The following ABLIM2 variants were observed in gnomAD, a reference collection of about 807,000 sequenced individuals.
ABLIM2 encodes the protein actin-binding LIM protein 2.
Under a neutral mutation model 97.7 loss-of-function variants are expected in ABLIM2, and 53 were observed. The observed-to-expected ratio is 0.54, with a 90% CI of 0.44 to 0.68. The LOEUF (loss-of-function observed/expected upper bound fraction) is 0.68, where lower values mean the gene tolerates loss of function less well. ABLIM2 is among the 30% of genes least tolerant of loss of function. ABLIM2 has a pLI of 0.00. For missense variants in ABLIM2, 835 were observed against 867.2 expected, an observed-to-expected ratio of 0.96 and a Z score of 0.47; for synonymous variants, 361 against 345.8, an observed-to-expected ratio of 1.04 and a Z score of -0.49.
Position 8,082,527 on chromosome 4 carries a change from T to C in ABLIM2, c.455-1725A>G, listed in dbSNP as rs977897751. On this transcript the variant is annotated intron_variant, in intron 4 of 20. Transcript: ENST00000447017. This position sits in a 1 kb window ranked among gnomAD's most constrained non-coding sequence, Gnocchi z 5.6. ...TCATTAGTTTCTTTTGGCAGAGACC[T>C]GAGTCATATTGTTTTTAACAATTAA... Among the ~76,000 whole-genome samples, 3 of 152,252 alleles carry C rather than the reference T, an allele frequency of 2.0e-5. No homozygotes were observed. Among genetic ancestry groups the C allele is most frequent in the Non-Finnish European group, 4.4e-5 (3 of 68,048 alleles).
rs1156249181 is a variant in ABLIM2, at chr4:8,015,891, T to A, written c.1423+3727A>T. 6.6e-6 allele frequency among the ~76,000 whole-genome samples: 1 copy of A among 152,188 alleles called. No individual in the cohort carries two copies. Among genetic ancestry groups the A allele is most frequent in the Non-Finnish European group, 1.5e-5 (1 of 68,030 alleles). ...TTATTTATTTTTATTTTTGAGTTTT[T>A]CATCTTTTATGCATATTTTCCTAAA... On this transcript the variant is annotated intron_variant, in intron 14 of 20. Transcript: ENST00000447017. This position sits in a 1 kb window ranked among gnomAD's most constrained non-coding sequence, Gnocchi z 4.6.
rs374256037 is a variant in ABLIM2 at position 8,083,147 on chromosome 4, C to G, written c.455-2345G>C. The stretch of plus-strand genomic sequence containing the variant: ...TGGAGCTGAGATCCCCGGCTCCAAG[C>G]CTCTGTTGGCTTCTCTGCATGTCAA... On this transcript the variant is annotated intron_variant, in intron 4 of 20. Coordinates refer to ENST00000447017, the MANE Select transcript of ABLIM2 (RefSeq NM_001130083.2). This position sits in a 1 kb window ranked among gnomAD's most constrained non-coding sequence, Gnocchi z 4.6. Among the ~76,000 whole-genome samples, 124 of 152,306 alleles carry G rather than the reference C, an allele frequency of 8.1e-4. No homozygotes were observed. The highest frequency in any genetic ancestry group is 2.9e-3 in the African/African-American group (120 of 41,556).
At chr4:8,007,925 G>T in intron 16 of ABLIM2, 134 bp downstream of exon 16, 1 of 1,487,654 alleles carries the variant, frequency 6.7e-7, no homozygotes. Context: ...TCGGTCCTTA[G>T]ATTTGTGGGC....
In ABLIM2 at chr4:8,061,424, G is replaced by T. The variant is rs1803014351; in HGVS notation, c.676-370C>A. ...GAGGGACAGGAGGAGGAAGAAAAGG[G>T]GAGAGGGAGGGGAGGGAAAGATAAT... On this transcript the variant is annotated intron_variant, in intron 6 of 20. Coordinates refer to ENST00000447017, the MANE Select transcript of ABLIM2 (RefSeq NM_001130083.2). This position sits in a 1 kb window ranked among gnomAD's most constrained non-coding sequence, Gnocchi z 4.5. Among the ~76,000 whole-genome samples the T allele has an allele frequency of 6.6e-6, 1 of 152,162 alleles. No individual in the cohort carries two copies. Among genetic ancestry groups the T allele is most frequent in the Non-Finnish European group, 1.5e-5 (1 of 68,036 alleles).
At position 8,083,989 on chromosome 4, in the gene ABLIM2, C is replaced by G. The variant is rs1194027456; in HGVS notation, c.455-3187G>C. ...AGCTGGAGCTCAGGGGGTGCAGGTG[C>G]AGGAGCCAGACCCCCTCTGCAGCAC... is the stretch of plus-strand genomic sequence containing the variant. On this transcript the variant is annotated intron_variant, in intron 4 of 20. Coordinates refer to ENST00000447017, the MANE Select transcript of ABLIM2 (RefSeq NM_001130083.2). The surrounding 1 kb of genome is among the most constrained non-coding windows in gnomAD (Gnocchi z 4.6). 6.6e-6 allele frequency among the ~76,000 whole-genome samples: 1 copy of G among 151,988 alleles called. No homozygotes were observed. Among genetic ancestry groups the G allele is most frequent in the East Asian group, 1.9e-4 (1 of 5,180 alleles).
At chr4:7,983,167 TG>T in intron 20 of ABLIM2, 96 bp downstream of exon 20, 1 of 1,294,100 alleles carries the variant, frequency 7.7e-7, no homozygotes, top group Non-Finnish European at 1.1e-6. Flanking sequence ...TCCCCCACGG[TG>T]GCCCCTTGGG....
At chr4:8,098,444 G>A (rs12500841) in intron 2 of ABLIM2, among the ~76,000 whole-genome samples, 38,428 of 152,184 alleles carry the variant, frequency 0.25, 5,374 homozygotes, top group South Asian at 0.45. Flanking sequence ...CATCCAGTGG[G>A]ATATCGAGGC....
At chr4:8,062,315 G>C (rs1465322613) in intron 6 of ABLIM2, among the ~76,000 whole-genome samples, 1 of 152,234 alleles carries the variant, frequency 6.6e-6, no homozygotes, top group African/African-American at 2.4e-5. Context: ...ACGTCAGGGA[G>C]TACCAGGTGC....
chr4:7,983,240 C>T (rs1346740184), intron 20 of ABLIM2, 24 bp downstream of exon 20: 6 of 1,597,484 alleles, frequency 3.8e-6, no homozygotes, highest in Non-Finnish European at 4.3e-6. Context: ...AATGAGTCCC[C>T]TGCCCCGGCA....
rs1832123020 is a variant in ABLIM2 at position 8,097,270 on chromosome 4, T to C, written c.167A>G (p.Asp56Gly). Residue 56 changes from aspartate (D) to glycine (G), a missense_variant, in exon 3 of 21, where the codon GAC (aspartate) becomes GGC (glycine). Transcript: ENST00000447017. ...CACGAAGAAGCCGCCCTCGGCCAGG[T>C]CGCAGCCACATGCTGGGGGAGGACG... Reference protein sequence around the residue: ...KCFVCKACGCDLAEGGFFVRQ... With the variant: ...KCFVCKACGCGLAEGGFFVRQ... The C allele has an allele frequency of 6.4e-7, 1 of 1,562,312 alleles. No homozygotes were observed. Among genetic ancestry groups the C allele is most frequent in the African/African-American group, 1.4e-5 (1 of 73,438 alleles).
At chr4:8,062,744 TG>T (rs943277905) in intron 6 of ABLIM2, among the ~76,000 whole-genome samples, 4 of 152,162 alleles carry the variant, frequency 2.6e-5, no homozygotes, top group African/African-American at 9.7e-5. Context: ...CGGCCTGGTC[TG>T]AGTAGCACTC....
intron 3 of ABLIM2, among the ~76,000 whole-genome samples, chr4:8,089,429 G>A (rs567151605): frequency 8.0e-4 from 122 of 152,234 alleles, no homozygotes; most frequent in Non-Finnish European, 1.1e-3. Flanking sequence ...GTCAGACCAC[G>A]GGTGCCCCTT....
chr4:8,009,229 G>T, intron 14 of ABLIM2, 127 bp from the exon 15 acceptor site: 2 of 1,172,914 alleles, frequency 1.7e-6, no homozygotes, highest in East Asian at 2.4e-5. Flanking sequence ...AGTAGTACGA[G>T]TGCCTTTCAA....
At chr4:7,979,873 G>A (rs1484435323) in intron 20 of ABLIM2, among the ~76,000 whole-genome samples, 1 of 152,234 alleles carries the variant, frequency 6.6e-6, no homozygotes, top group Non-Finnish European at 1.5e-5. Flanking sequence ...CAAGGGCAGA[G>A]ATGGGGCTTT....
rs1356629190 is a variant in ABLIM2 at position 8,005,069 on chromosome 4, C to T, written c.1618+2990G>A. ...ATCTGGTGGAGGGATGGATGAATGA[C>T]TGAATGATGAACTCAGTCCCGGGTG... On this transcript the variant is annotated intron_variant, in intron 16 of 20. Transcript: ENST00000447017. This position sits in a 1 kb window ranked among gnomAD's most constrained non-coding sequence, Gnocchi z 4.9. Among the ~76,000 whole-genome samples the T allele has an allele frequency of 1.3e-5, 2 of 152,210 alleles. No homozygotes were observed. The highest frequency in any genetic ancestry group is 4.8e-5 in the African/African-American group (2 of 41,454).
chr4:8,105,361 A>T (rs992585565), intron 2 of ABLIM2, among the ~76,000 whole-genome samples: 2 of 152,248 alleles, frequency 1.3e-5, no homozygotes, highest in Non-Finnish European at 2.9e-5. Flanking sequence ...CTCCCTCAGC[A>T]GACAGCGAAT....
chr4:7,976,312 A>T (rs569007776), intron 20 of ABLIM2, among the ~76,000 whole-genome samples: 27 of 151,664 alleles, frequency 1.8e-4, no homozygotes. Context: ...CACTTCTCAC[A>T]CTCACCAGTC....
intron 10 of ABLIM2, among the ~76,000 whole-genome samples, chr4:8,034,189 G>A (rs906523258): frequency 9.8e-5 from 15 of 152,328 alleles, no homozygotes; most frequent in African/African-American, 3.6e-4. Flanking sequence ...ATCTGGTCCA[G>A]GTGCAGACCA....
chr4:8,008,036 CCTT>C lies in ABLIM2; in HGVS notation c.1618+20_1618+22del. 3 of 1,613,136 alleles carry C rather than the reference CCTT, an allele frequency of 1.9e-6. No individual in the cohort carries two copies. Among genetic ancestry groups the C allele is most frequent in the South Asian group, 1.1e-5 (1 of 91,010 alleles). On this transcript the variant is annotated intron_variant, in intron 16 of 20. Transcript: ENST00000447017. ...GAGGCATTTTGTGCACATCACGGCT[CCTT>C]CTTCAAAAGAACCACTCACGTGAGT...
Sources: allele counts gnomAD v4.1 joint callset (sites outside exome capture counted in the v4.1 genomes callset), GRCh38; gene constraint gnomAD v4.1.1; non-coding constraint Gnocchi (gnomAD v3.1); transcripts MANE v1.5; gene names NCBI Gene and HGNC (gene_info 2026-07-23, HGNC 2026-07-21).